The following GMDS variants were observed in gnomAD, a reference collection of about 807,000 sequenced individuals.
GMDS encodes GDP-mannose 4,6 dehydratase.
A neutral mutation model predicts 49.9 loss-of-function variants in GMDS; 20 were observed. That is an observed-to-expected ratio of 0.40 (90% CI 0.28 to 0.58). The LOEUF is 0.58. Among genes scored for constraint, GMDS ranks in the 20% least tolerant of loss-of-function variants. The pLI is 0.42. For synonymous variants in GMDS, 177 were observed against 178.6 expected, an observed-to-expected ratio of 0.99 and a Z score of 0.07; for missense variants, 362 against 481.4, an observed-to-expected ratio of 0.75 and a Z score of 2.32.
intron 4 of GMDS, among the ~76,000 whole-genome samples, chr6:2,114,673 T>C (rs1004931644): frequency 6.6e-6 from 1 of 152,238 alleles, no homozygotes; most frequent in African/African-American, 2.4e-5. Flanking sequence ...CATTCATCGA[T>C]ATGTAGCCAT....
intron 9 of GMDS, among the ~76,000 whole-genome samples, chr6:1,709,067 T>A (rs1174300386): frequency 1.3e-5 from 2 of 152,154 alleles, no homozygotes; most frequent in Non-Finnish European, 2.9e-5. Flanking sequence ...GCTCCACAGG[T>A]AGGCATGACA....
At chr6:2,063,489 T>C (rs1422320348) in intron 4 of GMDS, among the ~76,000 whole-genome samples, 1 of 152,218 alleles carries the variant, frequency 6.6e-6, no homozygotes, top group East Asian at 1.9e-4. Context: ...TGGGAAACTA[T>C]GTAAAAACAA....
chr6:1,806,978 C>G (rs915688930), intron 7 of GMDS, among the ~76,000 whole-genome samples: 2 of 152,078 alleles, frequency 1.3e-5, no homozygotes, highest in Admixed American at 1.3e-4. Context: ...TAATTTAGAC[C>G]AGAAAAATCT....
rs549382252 is a variant in GMDS, at chr6:1,961,565, G to T, written c.346-599C>A. On this transcript the variant is annotated intron_variant, in intron 4 of 10. Coordinates refer to ENST00000380815, the MANE Select transcript of GMDS (RefSeq NM_001500.4). ...GAACCAATTTCTAAGCGAATGCTGA[G>T]GAATAATTCGATATTTTGCAGTTCT... Among the ~76,000 whole-genome samples, 7 of 152,226 alleles carry T rather than the reference G, an allele frequency of 4.6e-5. No individual in the cohort carries two copies. The East Asian group carries it at 1.3e-3, about 29-fold the overall frequency.
intron 7 of GMDS, among the ~76,000 whole-genome samples, chr6:1,915,378 G>A (rs1761324859): frequency 6.6e-6 from 1 of 152,168 alleles, no homozygotes. Context: ...CCCTGAGGAG[G>A]GCATCTGCAG....
At chr6:1,725,928 G>A (rs9378310) in intron 9 of GMDS, among the ~76,000 whole-genome samples, 78,832 of 152,134 alleles carry the variant, frequency 0.52, 20,759 homozygotes, top group African/African-American at 0.6. Context: ...AAGGCTACAT[G>A]GACAGGGTGG....
chr6:1,728,829 TCTC>T (rs1408689505), intron 8 of GMDS, among the ~76,000 whole-genome samples: 1 of 152,102 alleles, frequency 6.6e-6, no homozygotes, highest in East Asian at 1.9e-4. Flanking sequence ...ATTTTTCCTT[TCTC>T]CTCTTTCTTT....
At chr6:2,152,623 A>G (rs1213141804) in intron 1 of GMDS, among the ~76,000 whole-genome samples, 1 of 152,156 alleles carries the variant, frequency 6.6e-6, no homozygotes, top group African/African-American at 2.4e-5. Flanking sequence ...AAATATTGGA[A>G]GAAAATTCTT....
At chr6:2,143,795 A>G (rs1776421945) in intron 1 of GMDS, among the ~76,000 whole-genome samples, 1 of 152,234 alleles carries the variant, frequency 6.6e-6, no homozygotes, top group African/African-American at 2.4e-5. Context: ...TAAAGGAATC[A>G]AGGCTCTTCA....
At chr6:1,945,802 A>G (rs1464149588) in intron 6 of GMDS, among the ~76,000 whole-genome samples, 2 of 152,244 alleles carry the variant, frequency 1.3e-5, no homozygotes, top group African/African-American at 4.8e-5. Flanking sequence ...CTCAGGAACA[A>G]ATACTGTGAA....
In GMDS at chr6:1,652,715, T is replaced by TAG. The variant is rs1282736129; in HGVS notation, c.988-28176_988-28175insCT. Among the ~76,000 whole-genome samples the TAG allele has an allele frequency of 3.6e-4, 6 of 16,676 alleles. 3 individuals carry two copies. Among genetic ancestry groups the TAG allele is most frequent in the African/African-American group, 8.7e-4 (4 of 4,590 alleles). 10.9% of individuals were successfully genotyped at this position (16,676 alleles called of 152,430 possible). A position where few individuals can be genotyped will look rare whatever the true frequency, so the allele number is the denominator to read the frequency against. On this transcript the variant is annotated intron_variant, in intron 9 of 10. Coordinates refer to ENST00000380815, the MANE Select transcript of GMDS (RefSeq NM_001500.4). The stretch of plus-strand genomic sequence containing the variant: ...ATAATATATTATATATATATATATA[T>TAG]ATATAGAGAGAGAGAGAGAGAGAGA...
chr6:1,741,143 T>C (rs1767254900), intron 8 of GMDS, among the ~76,000 whole-genome samples: 1 of 152,234 alleles, frequency 6.6e-6, no homozygotes, highest in South Asian at 2.1e-4. Flanking sequence ...TCAGGGTAGT[T>C]AGTGTATCTC....
intron 9 of GMDS, among the ~76,000 whole-genome samples, chr6:1,626,544 C>T (rs905255928): frequency 2.0e-5 from 3 of 152,184 alleles, no homozygotes; most frequent in Non-Finnish European, 4.4e-5. Context: ...TTCTTTTTCC[C>T]CAGAGGAAGC....
intron 8 of GMDS, among the ~76,000 whole-genome samples, chr6:1,740,523 CT>C (rs1365870805): frequency 6.7e-6 from 1 of 150,236 alleles, no homozygotes; most frequent in Non-Finnish European, 1.5e-5. Context: ...TGCCACTGCA[CT>C]CCAGCCTGGG....
chr6:2,159,058 T>G (rs553114071), intron 1 of GMDS, among the ~76,000 whole-genome samples: 8 of 152,350 alleles, frequency 5.3e-5, no homozygotes, highest in African/African-American at 1.9e-4. Context: ...TTTCCTCAAT[T>G]TTTTAGAATT....
chr6:2,179,960 T>C (rs180189), intron 1 of GMDS, among the ~76,000 whole-genome samples: 5,953 of 150,496 alleles, frequency 0.04, 210 homozygotes, highest in East Asian at 0.11. Context: ...TCTGATCACA[T>C]TTAAAGATGA....
At chr6:2,010,711 G>A (rs1767506363) in intron 4 of GMDS, among the ~76,000 whole-genome samples, 1 of 152,108 alleles carries the variant, frequency 6.6e-6, no homozygotes, top group Non-Finnish European at 1.5e-5. Flanking sequence ...AACATCAGAA[G>A]TGATAAAGAT....
chr6:1,683,992 A>G (rs1299594772), intron 9 of GMDS, among the ~76,000 whole-genome samples: 1 of 65,186 alleles, frequency 1.5e-5, no homozygotes, highest in Non-Finnish European at 3.8e-5. Flanking sequence ...GCCCTCTATC[A>G]GCTATGAGGG....
chr6:2,053,460 A>G (rs866072503), intron 4 of GMDS, among the ~76,000 whole-genome samples: 3 of 152,272 alleles, frequency 2.0e-5, no homozygotes, highest in South Asian at 2.1e-4. Context: ...AGACATTTCA[A>G]AATTAAAGCT....
Sources: allele counts gnomAD v4.1 joint callset (sites outside exome capture counted in the v4.1 genomes callset), GRCh38; gene constraint gnomAD v4.1.1; transcripts MANE v1.5; gene names NCBI Gene and HGNC (gene_info 2026-07-23, HGNC 2026-07-21).